Variants in RAI2 observed in about 807,000 individuals in gnomAD.
RAI2 encodes retinoic acid-induced protein 2.
Under a neutral mutation model 15.3 loss-of-function variants are expected in RAI2, and 5 were observed. The ratio of observed to expected loss-of-function variants is 0.33; its 90% CI spans 0.17 to 0.69. The LOEUF (loss-of-function observed/expected upper bound fraction) is 0.69, where lower values mean the gene tolerates loss of function less well. Among genes scored for constraint, RAI2 ranks in the 30% least tolerant of loss-of-function variants. RAI2 has a pLI of 0.69. For synonymous variants in RAI2, 191 were observed against 184.0 expected, an observed-to-expected ratio of 1.04 and a Z score of -0.31; for missense variants, 424 against 424.7, an observed-to-expected ratio of 1.00 and a Z score of 0.01.
In RAI2 at chrX:17,849,380, G is replaced by A. The variant is rs140133052; in HGVS notation, c.-25+11718C>T. 1.9e-3 allele frequency among the ~76,000 whole-genome samples: 212 copies of A among 112,376 alleles called. 1 individual carries two copies. The highest frequency in any genetic ancestry group is 6.1e-3 in the African/African-American group (189 of 30,973). ...ATTGCAGAAAGTTCTACTGAACCACGCTGTACAGAATCCCAGTTCCACCTC... is the reference window on the plus strand; with the variant it reads ...ATTGCAGAAAGTTCTACTGAACCACACTGTACAGAATCCCAGTTCCACCTC... On this transcript the variant is annotated intron_variant, in intron 1 of 1. Transcript: ENST00000451717.
intron 1 of RAI2, among the ~76,000 whole-genome samples, chrX:17,846,039 G>T (rs2067452577): frequency 9.0e-6 from 1 of 111,679 alleles, no homozygotes; most frequent in Non-Finnish European, 1.9e-5. Flanking sequence ...AAGGATCTCA[G>T]GCTCCTATTT....
chrX:17,860,204 T>C (rs902269329), intron 1 of RAI2, among the ~76,000 whole-genome samples: 3 of 111,902 alleles, frequency 2.7e-5, no homozygotes, highest in Non-Finnish European at 5.6e-5. Flanking sequence ...GCAACATTTC[T>C]ACCCCTCGCC....
chrX:17,844,073 C>G (rs1368763809), intron 1 of RAI2, among the ~76,000 whole-genome samples: 1 of 112,276 alleles, frequency 8.9e-6, no homozygotes, highest in African/African-American at 3.2e-5. Flanking sequence ...CCCAGGAGAA[C>G]AAATAAGTCC....
At chrX:17,854,757 T>C (rs1422417947) in intron 1 of RAI2, among the ~76,000 whole-genome samples, 1 of 112,113 alleles carries the variant, frequency 8.9e-6, no homozygotes, top group Non-Finnish European at 1.9e-5. Flanking sequence ...ACCCTGGCTG[T>C]TAATGAATTA....
rs890903113 is a variant in RAI2 at position 17,856,518 on chromosome X, G to C, written c.-25+4580C>G. 2.0e-4 allele frequency among the ~76,000 whole-genome samples: 22 copies of C among 112,382 alleles called. No homozygotes were observed. In the Admixed American group the frequency reaches 2.1e-3, roughly 11 times the overall value. On this transcript the variant is annotated intron_variant, in intron 1 of 1. Transcript: ENST00000451717. ...TGAATCTGCCGGTATCTTGATCTTTGACTTCCCATCCTCCAGAACGGTGAG... is the reference window on the plus strand; with the variant it reads ...TGAATCTGCCGGTATCTTGATCTTTCACTTCCCATCCTCCAGAACGGTGAG...
At chrX:17,836,870 C>G (rs772988653) in intron 1 of RAI2, among the ~76,000 whole-genome samples, 41 of 112,073 alleles carry the variant, frequency 3.7e-4, no homozygotes, top group Non-Finnish European at 6.0e-4. Flanking sequence ...AGGCAGCACC[C>G]ATGGAACAAT....
intron 1 of RAI2, among the ~76,000 whole-genome samples, chrX:17,826,708 C>T (rs955285798): frequency 8.9e-6 from 1 of 111,809 alleles, no homozygotes; most frequent in African/African-American, 3.3e-5. Context: ...AAGGGAGGGA[C>T]CTGGTGGGAA....
Position 17,851,503 on chromosome X carries a change from G to A in RAI2, c.-25+9595C>T, listed in dbSNP as rs746092159. Among the ~76,000 whole-genome samples, 3 of 112,130 alleles carry A rather than the reference G, an allele frequency of 2.7e-5. No individual in the cohort carries two copies. The South Asian group carries it at 1.1e-3, about 42-fold the overall frequency. ...TTTCAAAGCTTTGATGTGCATAGTCGAAAGAGTATCCCTATTCTGTGCTTT... is the reference window on the plus strand; with the variant it reads ...TTTCAAAGCTTTGATGTGCATAGTCAAAAGAGTATCCCTATTCTGTGCTTT... On this transcript the variant is annotated intron_variant, in intron 1 of 1. Coordinates refer to ENST00000451717, the MANE Select transcript of RAI2 (RefSeq NM_021785.6).
chrX:17,838,733 C>A (rs187158819), intron 1 of RAI2, among the ~76,000 whole-genome samples: 1 of 110,759 alleles, frequency 9.0e-6, no homozygotes, highest in African/African-American at 3.3e-5. Context: ...CACTCCATGC[C>A]CACCACCCTG....
At chrX:17,823,877 T>C (rs1480579949) in intron 1 of RAI2, among the ~76,000 whole-genome samples, 2 of 111,335 alleles carry the variant, frequency 1.8e-5, no homozygotes, top group African/African-American at 6.5e-5. Flanking sequence ...TGGATCCCCG[T>C]TCACCACTAC....
At chrX:17,856,468 C>T (rs762052698) in intron 1 of RAI2, among the ~76,000 whole-genome samples, 16 of 112,243 alleles carry the variant, frequency 1.4e-4, no homozygotes, top group African/African-American at 3.9e-4. Flanking sequence ...ATCTCTGAAC[C>T]AGGAAAAAAG....
At chrX:17,814,879 C>T (rs772681554) in intron 1 of RAI2, among the ~76,000 whole-genome samples, 13 of 109,503 alleles carry the variant, frequency 1.2e-4, no homozygotes, top group Admixed American at 9.8e-4. Context: ...TGTTCCAACT[C>T]GGGGACCAAA....
At chrX:17,858,140 T>G (rs2067639727) in intron 1 of RAI2, among the ~76,000 whole-genome samples, 2 of 111,867 alleles carry the variant, frequency 1.8e-5, no homozygotes, top group African/African-American at 6.5e-5. Flanking sequence ...TCCCATCTTG[T>G]AGGTAAGGAA....
chrX:17,813,818 AT>A (rs751991929), intron 1 of RAI2, among the ~76,000 whole-genome samples: 4 of 111,697 alleles, frequency 3.6e-5, no homozygotes, highest in Non-Finnish European at 7.5e-5. Context: ...CCAGGTTTCC[AT>A]GCAGAAGTTA....
chrX:17,808,071 CATT>C lies in RAI2; in HGVS notation c.-24-6040_-24-6038del, dbSNP rs770979356. ...CACAAATTTGTAAACTTTCTTAAAA[CATT>C]ATGAGATTTTTTTTGCAATTCTTTT... On this transcript the variant is annotated intron_variant, in intron 1 of 1. Coordinates refer to ENST00000451717, the MANE Select transcript of RAI2 (RefSeq NM_021785.6). 3.3e-4 allele frequency among the ~76,000 whole-genome samples: 37 copies of C among 111,911 alleles called. 1 individual carries two copies. The East Asian group carries it at 0.01, about 31-fold the overall frequency.
chrX:17,806,541 T>C (rs940296173), intron 1 of RAI2, among the ~76,000 whole-genome samples: 3 of 110,216 alleles, frequency 2.7e-5, no homozygotes, highest in African/African-American at 9.9e-5. Context: ...TGCAGCCAGT[T>C]GCTAGGGCCT....
chrX:17,808,631 T>TC (rs1233106827), intron 1 of RAI2, among the ~76,000 whole-genome samples: 24 of 108,875 alleles, frequency 2.2e-4, no homozygotes, highest in African/African-American at 7.7e-4. Context: ...TCCCTCCTCT[T>TC]CCCCCCCGGC....
intron 1 of RAI2, among the ~76,000 whole-genome samples, chrX:17,821,104 C>T (rs949884189): frequency 7.2e-5 from 8 of 111,574 alleles, no homozygotes; most frequent in Non-Finnish European, 1.3e-4. Context: ...TTTTTGGATC[C>T]GAAGTGTACC....
At position 17,823,194 on chromosome X, in the gene RAI2, G is replaced by A. The variant is rs140481850; in HGVS notation, c.-24-21160C>T. ...TGGGAGTGATGACAGTGTATATGCC[G>A]CAGGGTTGTTAAGAAGGGTAGGTGA... On this transcript the variant is annotated intron_variant, in intron 1 of 1. Coordinates refer to ENST00000451717, the MANE Select transcript of RAI2 (RefSeq NM_021785.6). Among the ~76,000 whole-genome samples the A allele has an allele frequency of 2.9e-3, 321 of 111,646 alleles. 2 individuals are homozygous for A. The highest frequency in any genetic ancestry group is 9.3e-3 in the African/African-American group (287 of 30,700).
Sources: gnomAD v4.1 joint callset for allele counts (sites outside exome capture counted in the v4.1 genomes callset) on GRCh38, gnomAD v4.1.1 for gene constraint, MANE v1.5 for transcripts, NCBI Gene and HGNC (gene_info 2026-07-23, HGNC 2026-07-21) for gene names.